Variants in DMRT1 observed in about 807,000 individuals in gnomAD.
DMRT1 encodes doublesex- and mab-3-related transcription factor 1.
In DMRT1, 7 loss-of-function variants were observed where a neutral mutation model predicts 32.3. The observed-to-expected ratio is 0.22, with a 90% CI of 0.12 to 0.41. DMRT1 has a LOEUF of 0.41. Ranked by LOEUF, DMRT1 falls within the 10% of genes least tolerant of loss-of-function variation. DMRT1 has a pLI of 1.00. For synonymous variants in DMRT1, 278 were observed against 206.1 expected, an observed-to-expected ratio of 1.35 and a Z score of -2.99; for missense variants, 625 against 500.5, an observed-to-expected ratio of 1.25 and a Z score of -2.37.
chr9:894,327 TACAC>T (rs930417850), intron 3 of DMRT1, 132 bp downstream of exon 3: 98 of 935,666 alleles, frequency 1.0e-4, no homozygotes, highest in Middle Eastern at 3.2e-4. Flanking sequence ...CACACACAGG[TACAC>T]ACACATATGT....
chr9:960,469 A>G (rs539141428), intron 4 of DMRT1, among the ~76,000 whole-genome samples: 1 of 152,356 alleles, frequency 6.6e-6, no homozygotes, highest in South Asian at 2.1e-4. Context: ...GACAGAAAAT[A>G]ATGAGTAACA....
intron 4 of DMRT1, among the ~76,000 whole-genome samples, chr9:938,261 C>CTTGGAA (rs2129895749): frequency 6.6e-6 from 1 of 152,142 alleles, no homozygotes; most frequent in Non-Finnish European, 1.5e-5. Context: ...TTTGATGTGC[C>CTTGGAA]TTGGAATTCC....
At chr9:921,489 C>G (rs1818353236) in intron 4 of DMRT1, among the ~76,000 whole-genome samples, 1 of 152,086 alleles carries the variant, frequency 6.6e-6, no homozygotes, top group Non-Finnish European at 1.5e-5. Flanking sequence ...TCTGATTTCA[C>G]TTCTTCTGGG....
At chr9:868,862 T>G (rs368131795) in intron 2 of DMRT1, among the ~76,000 whole-genome samples, 2 of 151,956 alleles carry the variant, frequency 1.3e-5, no homozygotes, top group Non-Finnish European at 2.9e-5. Flanking sequence ...ATAAAAAAAT[T>G]AGCTGGGTAT....
intron 4 of DMRT1, among the ~76,000 whole-genome samples, chr9:923,250 A>C (rs1389545538): frequency 6.6e-6 from 1 of 152,162 alleles, no homozygotes; most frequent in African/African-American, 2.4e-5. Context: ...GAGCACCCTG[A>C]GATCTACTTG....
In DMRT1 at chr9:908,866, G is replaced by C. The variant is rs536905942; in HGVS notation, c.823-7897G>C. Among the ~76,000 whole-genome samples the C allele has an allele frequency of 2.0e-3, 306 of 152,242 alleles. 4 individuals carry two copies. Among genetic ancestry groups the C allele is most frequent in the African/African-American group, 7.2e-3 (299 of 41,542 alleles). On this transcript the variant is annotated intron_variant, in intron 3 of 4. Coordinates refer to ENST00000382276, the MANE Select transcript of DMRT1 (RefSeq NM_021951.3). ...CCTCTCCTGGGCGCATTTGGAGGGA[G>C]AGCTTTCGTTTGGAAAAAGGACTCT... is the stretch of plus-strand genomic sequence containing the variant.
intron 4 of DMRT1, among the ~76,000 whole-genome samples, chr9:932,378 G>T (rs1818753891): frequency 6.6e-6 from 1 of 152,140 alleles, no homozygotes; most frequent in Non-Finnish European, 1.5e-5. Flanking sequence ...GTTATTTCTT[G>T]ATGTTATAAT....
intron 2 of DMRT1, among the ~76,000 whole-genome samples, chr9:882,080 G>A (rs949750704): frequency 2.6e-5 from 4 of 152,218 alleles, no homozygotes; most frequent in East Asian, 1.9e-4. Context: ...TGACTTGGGG[G>A]AATTCTGAGG....
At chr9:866,918 C>T (rs967776342) in intron 2 of DMRT1, among the ~76,000 whole-genome samples, 2 of 152,056 alleles carry the variant, frequency 1.3e-5, no homozygotes, top group African/African-American at 2.4e-5. Context: ...TTTGAATAAG[C>T]GGCCTTATTG....
At chr9:927,303 A>G (rs767400396) in intron 4 of DMRT1, among the ~76,000 whole-genome samples, 4 of 152,246 alleles carry the variant, frequency 2.6e-5, no homozygotes, top group African/African-American at 7.2e-5. Context: ...CTTGTCATGC[A>G]TCTTTCACCA....
chr9:860,422 G>C (rs1001409426), intron 2 of DMRT1, among the ~76,000 whole-genome samples: 1 of 152,228 alleles, frequency 6.6e-6, no homozygotes, highest in Admixed American at 6.5e-5. Flanking sequence ...ATCTCTGCTG[G>C]AGAGTTTGCT....
chr9:885,579 T>G (rs995173936), intron 2 of DMRT1, among the ~76,000 whole-genome samples: 2 of 152,200 alleles, frequency 1.3e-5, no homozygotes, highest in African/African-American at 4.8e-5. Context: ...GCTGCTTGCC[T>G]TCTTCCACCA....
At chr9:964,363 AT>A (rs1819866146) in intron 4 of DMRT1, among the ~76,000 whole-genome samples, 2 of 152,202 alleles carry the variant, frequency 1.3e-5, no homozygotes, top group Non-Finnish European at 2.9e-5. Context: ...ATAAAATAAC[AT>A]CCCAGTAGCT....
intron 3 of DMRT1, among the ~76,000 whole-genome samples, chr9:916,403 G>C (rs929490613): frequency 8.6e-5 from 13 of 151,436 alleles, no homozygotes; most frequent in South Asian, 8.3e-4. Flanking sequence ...GTCTTTCTCT[G>C]TTGCCCAGGC....
At chr9:863,936 C>T (rs1021934789) in intron 2 of DMRT1, among the ~76,000 whole-genome samples, 3 of 152,128 alleles carry the variant, frequency 2.0e-5, no homozygotes, top group African/African-American at 7.2e-5. Context: ...GAGATTGGCC[C>T]TTTTTGATAT....
intron 3 of DMRT1, among the ~76,000 whole-genome samples, chr9:910,561 GT>G (rs200739972): frequency 6.7e-5 from 10 of 149,102 alleles, no homozygotes; most frequent in Non-Finnish European, 1.2e-4. Flanking sequence ...CATTTTTATG[GT>G]TTTTTTTTCA....
chr9:903,522 T>C (rs1232770682), intron 3 of DMRT1, among the ~76,000 whole-genome samples: 2 of 152,108 alleles, frequency 1.3e-5, no homozygotes, highest in African/African-American at 4.8e-5. Context: ...GCAGCAAGGG[T>C]AGTTGTTTGT....
At chr9:896,302 TTC>T in intron 3 of DMRT1, among the ~76,000 whole-genome samples, 1 of 148,232 alleles carries the variant, frequency 6.7e-6, no homozygotes, top group African/African-American at 2.5e-5. Flanking sequence ...TTTTTTTTTT[TTC>T]CTGAGACAGA....
chr9:937,517 C>T (rs921417982), intron 4 of DMRT1, among the ~76,000 whole-genome samples: 1 of 152,162 alleles, frequency 6.6e-6, no homozygotes, highest in African/African-American at 2.4e-5. Context: ...TGTTGTTTTC[C>T]GTTTTTTTGA....
Sources: gnomAD v4.1 joint callset for allele counts (sites outside exome capture counted in the v4.1 genomes callset) on GRCh38, gnomAD v4.1.1 for gene constraint, MANE v1.5 for transcripts, NCBI Gene and HGNC (gene_info 2026-07-23, HGNC 2026-07-21) for gene names.